MAML3: variants seen among roughly 807,000 people sequenced by gnomAD.
MAML3 encodes the protein mastermind like transcriptional coactivator 3.
A neutral mutation model predicts 101.9 loss-of-function variants in MAML3; 27 were observed. The observed-to-expected ratio is 0.27, with a 90% CI of 0.20 to 0.37. MAML3 has a LOEUF of 0.37. Ranked by LOEUF, MAML3 falls within the 10% of genes least tolerant of loss-of-function variation. The probability of loss-of-function intolerance (pLI) is 1.00; values close to 1 mark genes in which losing one functional copy is unlikely to be tolerated. For synonymous variants in MAML3, 501 were observed against 555.9 expected, an observed-to-expected ratio of 0.90 and a Z score of 1.39; for missense variants, 1,316 against 1,444.9, an observed-to-expected ratio of 0.91 and a Z score of 1.45.
chr4:139,720,790 G>A (rs982666256), intron 4 of MAML3, among the ~76,000 whole-genome samples: 2 of 152,098 alleles, frequency 1.3e-5, no homozygotes, highest in Non-Finnish European at 2.9e-5. Flanking sequence ...CCACCTCTGG[G>A]GCTAAATTAG....
chr4:139,950,059 TG>T lies in MAML3; in HGVS notation c.469-59093del, dbSNP rs141284092. Reference sequence around the variant, plus strand: ...GACTGCAATATTAACGATTTTTTTTTGGAGACAGTCTTGATCTGTTGCCCAG... The same window carrying T: ...GACTGCAATATTAACGATTTTTTTTTGAGACAGTCTTGATCTGTTGCCCAG... On this transcript the variant is annotated intron_variant, in intron 1 of 4. Transcript: ENST00000509479. Among the ~76,000 whole-genome samples the T allele has an allele frequency of 6.6e-3, 1,004 of 152,242 alleles. 10 individuals carry two copies. The highest frequency in any genetic ancestry group is 0.023 in the African/African-American group (955 of 41,554).
intron 1 of MAML3, among the ~76,000 whole-genome samples, chr4:140,069,655 A>G (rs1284432197): frequency 6.7e-6 from 1 of 149,896 alleles, no homozygotes. Flanking sequence ...GGAGGAGGAG[A>G]AGGAGAAGGA....
intron 2 of MAML3, among the ~76,000 whole-genome samples, chr4:139,855,906 A>G (rs944271948): frequency 5.9e-5 from 9 of 152,236 alleles, no homozygotes; most frequent in African/African-American, 9.6e-5. Context: ...TTCTATTCCA[A>G]ATGTAGGCTC....
rs569847238 is a variant in MAML3, at chr4:139,877,344, C to G, written c.2079+12013G>C. 3.5e-3 allele frequency among the ~76,000 whole-genome samples: 536 copies of G among 151,200 alleles called. 4 individuals are homozygous for G. Among genetic ancestry groups the G allele is most frequent in the African/African-American group, 0.012 (504 of 41,246 alleles). On this transcript the variant is annotated intron_variant, in intron 2 of 4. Coordinates refer to ENST00000509479, the MANE Select transcript of MAML3 (RefSeq NM_018717.5). ...TATAGGAAAGCAGCATTTCCCCCCA[C>G]CCCCCGAAGAGTATTATAACCTCTA... is the stretch of plus-strand genomic sequence containing the variant.
chr4:140,130,024 T>TCCG (rs1195722802), intron 1 of MAML3, among the ~76,000 whole-genome samples: 1 of 151,134 alleles, frequency 6.6e-6, no homozygotes, highest in African/African-American at 2.4e-5. Flanking sequence ...TTCTAATGAA[T>TCCG]CCGCAATTGT....
intron 1 of MAML3, among the ~76,000 whole-genome samples, chr4:140,083,281 A>G (rs1441044813): frequency 1.3e-5 from 2 of 152,134 alleles, no homozygotes; most frequent in Non-Finnish European, 2.9e-5. Flanking sequence ...CTTTCCCCAC[A>G]TTGCCCACTC....
Position 140,145,534 on chromosome 4 carries a change from G to A in MAML3, c.468+7326C>T, listed in dbSNP as rs1030019811. Among the ~76,000 whole-genome samples, 6 of 151,180 alleles carry A rather than the reference G, an allele frequency of 4.0e-5. No individual in the cohort carries two copies. The Admixed American group carries it at 4.0e-4, about 10-fold the overall frequency. On this transcript the variant is annotated intron_variant, in intron 1 of 4. Transcript: ENST00000509479. ...CTTTCTTTATGTCAGAGGAAGTACT[G>A]CAAGCCTTTTGAGATTTTTTTGTTT...
intron 1 of MAML3, among the ~76,000 whole-genome samples, chr4:140,073,580 A>G (rs1235366990): frequency 2.0e-5 from 3 of 152,092 alleles, no homozygotes; most frequent in African/African-American, 7.2e-5. Context: ...CCAGGCACCC[A>G]CAGTATACAA....
intron 2 of MAML3, among the ~76,000 whole-genome samples, chr4:139,824,415 G>T (rs1010144177): frequency 6.6e-6 from 1 of 152,220 alleles, no homozygotes; most frequent in Non-Finnish European, 1.5e-5. Flanking sequence ...CCCAGTTGCT[G>T]AGAGGTAATA....
At chr4:139,828,313 C>CA (rs1288849234) in intron 2 of MAML3, among the ~76,000 whole-genome samples, 1 of 152,124 alleles carries the variant, frequency 6.6e-6, no homozygotes, top group African/African-American at 2.4e-5. Flanking sequence ...CAAAGCAAAA[C>CA]AAAAAAATTC....
At chr4:139,725,248 C>T (rs1728421261) in intron 4 of MAML3, among the ~76,000 whole-genome samples, 1 of 152,174 alleles carries the variant, frequency 6.6e-6, no homozygotes, top group Non-Finnish European at 1.5e-5. Context: ...TCAAAAGAGA[C>T]TAGTGGTTGT....
intron 1 of MAML3, among the ~76,000 whole-genome samples, chr4:140,098,188 G>T (rs1396294295): frequency 6.6e-6 from 1 of 152,112 alleles, no homozygotes; most frequent in African/African-American, 2.4e-5. Context: ...AAACAATATT[G>T]TGATAAAGAA....
At chr4:139,957,482 A>G (rs1459925484) in intron 1 of MAML3, among the ~76,000 whole-genome samples, 1 of 152,204 alleles carries the variant, frequency 6.6e-6, no homozygotes, top group Non-Finnish European at 1.5e-5. Flanking sequence ...ACGTATTTAG[A>G]AGCTGGTACC....
At position 139,826,915 on chromosome 4, in the gene MAML3, C is replaced by T. The variant is rs145593585; in HGVS notation, c.2079+62442G>A. ...TCATACAAGATAGGGAAACTAAACG[C>T]GCCACTGCAAATGAAATAAAATAAG... On this transcript the variant is annotated intron_variant, in intron 2 of 4. Transcript: ENST00000509479. Among the ~76,000 whole-genome samples, 9 of 135,064 alleles carry T rather than the reference C, an allele frequency of 6.7e-5. No homozygotes were observed. In the East Asian group the frequency reaches 1.6e-3, roughly 24 times the overall value. 88.6% of individuals were successfully genotyped at this position (135,064 alleles called of 152,430 possible). A position where few individuals can be genotyped will look rare whatever the true frequency, so the allele number is the denominator to read the frequency against.
At chr4:139,794,754 A>G (rs1000488596) in intron 2 of MAML3, among the ~76,000 whole-genome samples, 1 of 152,224 alleles carries the variant, frequency 6.6e-6, no homozygotes, top group Non-Finnish European at 1.5e-5. Flanking sequence ...CCACGCTGGA[A>G]GAGCACATCT....
chr4:140,134,113 C>T, intron 1 of MAML3: 2 of 456,712 alleles, frequency 4.4e-6, no homozygotes, highest in South Asian at 3.1e-5. Context: ...CCACAGTGCT[C>T]AGGGCAAGAA....
chr4:140,125,492 T>G (rs1453748478), intron 1 of MAML3, among the ~76,000 whole-genome samples: 1 of 152,230 alleles, frequency 6.6e-6, no homozygotes, highest in East Asian at 1.9e-4. Context: ...GGTCATCACA[T>G]GACTTTATTC....
intron 1 of MAML3, among the ~76,000 whole-genome samples, chr4:139,903,644 G>A (rs1255251305): frequency 1.3e-5 from 2 of 152,228 alleles, no homozygotes; most frequent in Non-Finnish European, 2.9e-5. Flanking sequence ...AAGTTAAAAT[G>A]AGGTGATTAG....
At chr4:139,815,064 G>A in intron 2 of MAML3, among the ~76,000 whole-genome samples, 1 of 152,170 alleles carries the variant, frequency 6.6e-6, no homozygotes. Flanking sequence ...TAGACCACAT[G>A]AGAGCCAAAA....
Sources: allele counts gnomAD v4.1 joint callset (sites outside exome capture counted in the v4.1 genomes callset), GRCh38; gene constraint gnomAD v4.1.1; transcripts MANE v1.5; gene names NCBI Gene and HGNC (gene_info 2026-07-23, HGNC 2026-07-21).